Variants in MAP6 observed in about 807,000 individuals in gnomAD.
The protein encoded by MAP6 is microtubule associated protein 6, also known as microtubule-associated protein 6.
In MAP6, 26 loss-of-function variants were observed where a neutral mutation model predicts 42.4. The ratio of observed to expected loss-of-function variants is 0.61; its 90% CI spans 0.45 to 0.85. The LOEUF (loss-of-function observed/expected upper bound fraction) is 0.85. Ranked by LOEUF, MAP6 falls within the 40% of genes least tolerant of loss-of-function variation. MAP6 has a pLI of 0.00. For missense variants in MAP6, 966 were observed against 1,099.0 expected, an observed-to-expected ratio of 0.88 and a Z score of 1.71; for synonymous variants, 418 against 443.8, an observed-to-expected ratio of 0.94 and a Z score of 0.73.
intron 1 of MAP6, among the ~76,000 whole-genome samples, chr11:75,650,210 C>A (rs757072161): frequency 3.9e-5 from 6 of 152,140 alleles, no homozygotes; most frequent in Non-Finnish European, 5.9e-5. Context: ...TGGGCCAACC[C>A]CTAGTAACAG....
chr11:75,651,639 T>C (rs1943648289), intron 1 of MAP6, among the ~76,000 whole-genome samples: 1 of 152,228 alleles, frequency 6.6e-6, no homozygotes, highest in African/African-American at 2.4e-5. Context: ...GCGTTCTTGG[T>C]TGCTATGAGA....
chr11:75,618,337 T>G (rs559243820), intron 1 of MAP6, among the ~76,000 whole-genome samples: 1 of 152,300 alleles, frequency 6.6e-6, no homozygotes, highest in East Asian at 1.9e-4. Flanking sequence ...CTGGGCGTGG[T>G]GGCTCACGCC....
intron 3 of MAP6, chr11:75,605,213 C>A: frequency 1.0e-6 from 1 of 985,598 alleles, no homozygotes; most frequent in Non-Finnish European, 1.2e-6. Flanking sequence ...CACAGGCACA[C>A]ATTTCTAATG....
intron 3 of MAP6, among the ~76,000 whole-genome samples, chr11:75,595,256 C>T (rs770125571): frequency 2.6e-5 from 4 of 152,234 alleles, no homozygotes; most frequent in Non-Finnish European, 4.4e-5. Context: ...CTTCCTATCT[C>T]TGCACTGATC....
At chr11:75,602,928 A>G in intron 3 of MAP6, 1 of 985,810 alleles carries the variant, frequency 1.0e-6, no homozygotes, top group Non-Finnish European at 1.2e-6. Context: ...CTGAGCAAGC[A>G]CAGACCACAA....
intron 1 of MAP6, among the ~76,000 whole-genome samples, chr11:75,622,075 C>T (rs1209271371): frequency 1.3e-5 from 2 of 151,682 alleles, no homozygotes; most frequent in Admixed American, 1.3e-4. Context: ...ATAAAGGCTA[C>T]TAGAAAAAAT....
intron 3 of MAP6, chr11:75,603,773 A>T: frequency 1.0e-6 from 1 of 985,216 alleles, no homozygotes; most frequent in Non-Finnish European, 1.2e-6. Context: ...ACGGGCTTCT[A>T]GCAAGGGAAT....
chr11:75,594,193 G>C (rs1333474840), intron 3 of MAP6: 1 of 152,250 alleles, frequency 6.6e-6, no homozygotes, highest in Non-Finnish European at 1.5e-5. Context: ...TGGAAGAGAT[G>C]GAGCAAACTC....
At chr11:75,649,159 AATAAT>A (rs1943608481) in intron 1 of MAP6, among the ~76,000 whole-genome samples, 1 of 152,224 alleles carries the variant, frequency 6.6e-6, no homozygotes, top group Non-Finnish European at 1.5e-5. Context: ...TAGGGAAATA[AATAAT>A]ATGTGATATT....
intron 1 of MAP6, among the ~76,000 whole-genome samples, chr11:75,655,574 G>C (rs1212091740): frequency 6.6e-6 from 1 of 152,228 alleles, no homozygotes; most frequent in Non-Finnish European, 1.5e-5. Flanking sequence ...CCAGATGCCT[G>C]GGCCTTGCCC....
chr11:75,587,406 C>T lies in MAP6; in HGVS notation c.2095G>A (p.Val699Met). Residue 699 changes from valine to methionine, a missense_variant, in exon 4 of 4, where the codon GTG becomes ATG. By Grantham distance (21) the Val-to-Met change is conservative (BLOSUM62 1). This residue lies in a region of MAP6 where 943 missense variants were observed against 1,049.9 expected (regional missense o/e 0.90). Transcript: ENST00000304771. The stretch of plus-strand genomic sequence containing the variant: ...GGACCTTGATTCTTTACAGGTGCCA[C>T]AACTGCAGAATCGTGAACCTTTGCA... ...EHAKVHDSAV[V>M]APVKNQGPVV... 1 of 1,614,076 alleles carries T rather than the reference C, an allele frequency of 6.2e-7. No individual in the cohort carries two copies. The highest frequency in any genetic ancestry group is 8.5e-7 in the Non-Finnish European group (1 of 1,179,996).
rs575598964 is a variant in MAP6 at position 75,651,040 on chromosome 11, T to C, written c.905+16425A>G. The stretch of plus-strand genomic sequence containing the variant: ...CATTATCATCATCTTCATCATCACA[T>C]TTCTCCCTACTATTGAAGTAGGAGC... On this transcript the variant is annotated intron_variant, in intron 1 of 3. Coordinates refer to ENST00000304771, the MANE Select transcript of MAP6 (RefSeq NM_033063.2). Among the ~76,000 whole-genome samples the C allele has an allele frequency of 9.2e-5, 14 of 152,224 alleles. No individual in the cohort carries two copies. The South Asian group carries it at 2.9e-3, about 32-fold the overall frequency.
At chr11:75,610,109 AG>A (rs1415595042) in intron 1 of MAP6, among the ~76,000 whole-genome samples, 2 of 152,124 alleles carry the variant, frequency 1.3e-5, no homozygotes, top group Non-Finnish European at 2.9e-5. Flanking sequence ...AGGACTCTGC[AG>A]GGTCCCCACC....
At chr11:75,652,171 T>C (rs1943657377) in intron 1 of MAP6, among the ~76,000 whole-genome samples, 1 of 152,220 alleles carries the variant, frequency 6.6e-6, no homozygotes, top group Non-Finnish European at 1.5e-5. Flanking sequence ...GTTATATAAG[T>C]ACCTACTTAA....
intron 1 of MAP6, among the ~76,000 whole-genome samples, chr11:75,664,429 A>C (rs977022620): frequency 9.2e-5 from 14 of 152,258 alleles, no homozygotes; most frequent in Non-Finnish European, 1.9e-4. Context: ...CTGAATTTTG[A>C]ATGTATATTT....
chr11:75,588,045 C>A lies in MAP6; in HGVS notation c.1456G>T (p.Gly486Cys). The A allele has an allele frequency of 6.2e-7, 1 of 1,614,058 alleles. No individual in the cohort carries two copies. ...PMVQEPLKKQ[G>C]SVVPGPPKDL... ...TTTGGAGGCCCTGGGACCACAGAAC[C>A]TTGCTTCTTCAGAGGCTCTTGCACC... Residue 486 changes from glycine to cysteine, a missense_variant, in exon 4 of 4, where the codon GGT (glycine) becomes TGT (cysteine). Gly to Cys is a radical substitution (Grantham distance 159). Around this residue, in one of 2 missense-constraint regions of MAP6, gnomAD observed 943 missense variants for 1,049.9 expected, o/e 0.90. Transcript: ENST00000304771.
intron 3 of MAP6, among the ~76,000 whole-genome samples, chr11:75,601,531 C>A (rs1179882309): frequency 6.6e-6 from 1 of 152,054 alleles, no homozygotes; most frequent in Non-Finnish European, 1.5e-5. Context: ...CCTGCCTCCC[C>A]CAAAACTCAG....
chr11:75,590,085 T>C (rs1323955395), intron 3 of MAP6, among the ~76,000 whole-genome samples: 1 of 152,118 alleles, frequency 6.6e-6, no homozygotes, highest in African/African-American at 2.4e-5. Context: ...CTGCTATCAG[T>C]AGGACCTTAG....
At chr11:75,647,864 G>A (rs1347405309) in intron 1 of MAP6, among the ~76,000 whole-genome samples, 2 of 152,068 alleles carry the variant, frequency 1.3e-5, no homozygotes, top group Non-Finnish European at 2.9e-5. Flanking sequence ...TTCTGAAAAA[G>A]AACAACCAAA....
Sources: allele counts gnomAD v4.1 joint callset (sites outside exome capture counted in the v4.1 genomes callset), GRCh38; gene constraint gnomAD v4.1.1; regional missense constraint gnomAD v4.1.1; transcripts MANE v1.5; gene names NCBI Gene and HGNC (gene_info 2026-07-23, HGNC 2026-07-21).